PCDHGB6: variants seen among roughly 807,000 people sequenced by gnomAD.
PCDHGB6 encodes the protein protocadherin gamma subfamily B, 6.
Under a neutral mutation model 59.1 loss-of-function variants are expected in PCDHGB6, and 51 were observed. The observed-to-expected ratio is 0.86, with a 90% CI of 0.69 to 1.09. PCDHGB6 has a LOEUF of 1.09. Ranked by LOEUF, PCDHGB6 falls within the 50% of genes least tolerant of loss-of-function variation. The probability of loss-of-function intolerance (pLI) is 0.00; values close to 1 mark genes in which losing one functional copy is unlikely to be tolerated. For synonymous variants in PCDHGB6, 466 were observed against 495.1 expected, an observed-to-expected ratio of 0.94 and a Z score of 0.78; for missense variants, 1,148 against 1,205.1, an observed-to-expected ratio of 0.95 and a Z score of 0.70.
chr5:141,506,228 A>T (rs538354130), intron 3 of PCDHGB6, among the ~76,000 whole-genome samples: 1 of 152,266 alleles, frequency 6.6e-6, no homozygotes, highest in East Asian at 1.9e-4. Context: ...AGGCAGGAGG[A>T]TCATGAGGTC....
At chr5:141,415,738 AGGTTTTT>A in intron 1 of PCDHGB6, 2 of 538,082 alleles carry the variant, frequency 3.7e-6, no homozygotes, top group Non-Finnish European at 5.4e-6. Flanking sequence ...ATGTTTATTA[AGGTTTTT>A]TTTTTTTTTT....
At chr5:141,458,694 C>G (rs905547768) in intron 1 of PCDHGB6, among the ~76,000 whole-genome samples, 1 of 152,136 alleles carries the variant, frequency 6.6e-6, no homozygotes, top group East Asian at 1.9e-4. Context: ...CTCAGCCTCC[C>G]GAGTAGCTGG....
intron 1 of PCDHGB6, chr5:141,421,426 A>T: frequency 1.2e-6 from 2 of 1,614,104 alleles, no homozygotes; most frequent in Non-Finnish European, 8.5e-7. Flanking sequence ...CGGAGTCCGC[A>T]TCGTCTCCAG....
Position 141,408,873 on chromosome 5 carries a change from CCACCG to C in PCDHGB6, c.673_677del (p.Thr225SerfsTer11), listed in dbSNP as rs776180805. On this transcript the variant is annotated frameshift_variant, in exon 1 of 4. Coordinates refer to ENST00000520790, the MANE Select transcript of PCDHGB6 (RefSeq NM_018926.3). LOFTEE classifies it high-confidence loss of function. ...GACGGAGGGGACCCACCAAGAAGTG[CCACCG>C]CTCACATAGAAATTTCTGTCAAGGA... is the stretch of plus-strand genomic sequence containing the variant. The C allele has an allele frequency of 3.1e-5, 50 of 1,613,104 alleles. No homozygotes were observed. The highest frequency in any genetic ancestry group is 4.1e-5 in the Non-Finnish European group (48 of 1,179,714).
chr5:141,427,229 G>A (rs1377470019), intron 1 of PCDHGB6: 3 of 456,628 alleles, frequency 6.6e-6, no homozygotes, highest in Non-Finnish European at 1.3e-5. Context: ...GTTATACCAT[G>A]AGAGTAGAAG....
chr5:141,482,500 G>T (rs1409735210), intron 1 of PCDHGB6, among the ~76,000 whole-genome samples: 1 of 133,788 alleles, frequency 7.5e-6, no homozygotes, highest in Non-Finnish European at 1.5e-5. Flanking sequence ...TATCATTCTG[G>T]TACCCAGAGT....
chr5:141,422,629 A>C lies in PCDHGB6; in HGVS notation c.2418+12009A>C, dbSNP rs780472571. 1.9e-6 allele frequency: 3 copies of C among 1,613,270 alleles called. No homozygotes were observed. The Admixed American group carries it at 5.0e-5, about 27-fold the overall frequency. Reference sequence around the variant, plus strand: ...TGCCTACATTCCCGAAAACAACCCCAGGGGTGCCTCCATCTTCTCAGTGAC... The same window carrying C: ...TGCCTACATTCCCGAAAACAACCCCCGGGGTGCCTCCATCTTCTCAGTGAC... On this transcript the variant is annotated intron_variant, in intron 1 of 3. Transcript: ENST00000520790.
chr5:141,431,297 C>T lies in PCDHGB6; in HGVS notation c.2418+20677C>T. The T allele has an allele frequency of 6.2e-7, 1 of 1,614,126 alleles. No homozygotes were observed. The highest frequency in any genetic ancestry group is 8.5e-7 in the Non-Finnish European group (1 of 1,180,036). Reference sequence around the variant, plus strand: ...GCTCAGCCCGAACACTCACTTCTCCCTCATCGTGCAAAATGGAGCCGACGG... The same window carrying T: ...GCTCAGCCCGAACACTCACTTCTCCTTCATCGTGCAAAATGGAGCCGACGG... On this transcript the variant is annotated intron_variant, in intron 1 of 3. Coordinates refer to ENST00000520790, the MANE Select transcript of PCDHGB6 (RefSeq NM_018926.3). This position sits in a 1 kb window ranked among gnomAD's most constrained non-coding sequence, Gnocchi z 4.8.
chr5:141,415,031 G>T lies in PCDHGB6; in HGVS notation c.2418+4411G>T, dbSNP rs982540695. The T allele has an allele frequency of 6.2e-6, 10 of 1,613,464 alleles. No individual in the cohort carries two copies. The highest frequency in any genetic ancestry group is 6.8e-6 in the Non-Finnish European group (8 of 1,179,984). On this transcript the variant is annotated intron_variant, in intron 1 of 3. Transcript: ENST00000520790. ...CGTCTGCTCAAGGCCAGCGAGCCGGGACTCTTCGCGGTGGGGGAGCACACG... is the reference window on the plus strand; with the variant it reads ...CGTCTGCTCAAGGCCAGCGAGCCGGTACTCTTCGCGGTGGGGGAGCACACG...
At chr5:141,448,710 G>T (rs897054829) in intron 1 of PCDHGB6, among the ~76,000 whole-genome samples, 1 of 152,162 alleles carries the variant, frequency 6.6e-6, no homozygotes, top group Non-Finnish European at 1.5e-5. Flanking sequence ...GGAGGCCGAG[G>T]CGGGAGGATC....
intron 1 of PCDHGB6, chr5:141,468,497 C>T (rs1033597673): frequency 2.0e-5 from 3 of 152,074 alleles, no homozygotes; most frequent in Non-Finnish European, 4.4e-5. Context: ...GGAAGATTTT[C>T]ATGTGGACAA....
At chr5:141,413,181 C>T in intron 1 of PCDHGB6, 8 of 1,602,880 alleles carry the variant, frequency 5.0e-6, no homozygotes, top group Non-Finnish European at 6.8e-6. Context: ...CTACAATGGC[C>T]GCTCAAAGGA....
At chr5:141,458,989 T>C (rs1341538997) in intron 1 of PCDHGB6, among the ~76,000 whole-genome samples, 1 of 152,134 alleles carries the variant, frequency 6.6e-6, no homozygotes, top group Non-Finnish European at 1.5e-5. Flanking sequence ...TGCCTCACCC[T>C]CCCAAAGTGC....
chr5:141,503,894 T>C (rs898125492), intron 2 of PCDHGB6, among the ~76,000 whole-genome samples: 2 of 152,144 alleles, frequency 1.3e-5, no homozygotes, highest in African/African-American at 4.8e-5. Flanking sequence ...CATGACAAAA[T>C]ATGCACACAC....
intron 1 of PCDHGB6, chr5:141,424,411 C>T (rs1259102577): frequency 6.6e-6 from 1 of 152,154 alleles, no homozygotes; most frequent in Admixed American, 6.5e-5. Flanking sequence ...GGTGAAGTTA[C>T]ATTGACTGTT....
intron 1 of PCDHGB6, chr5:141,428,680 G>T: frequency 6.1e-6 from 1 of 162,778 alleles, no homozygotes; most frequent in Admixed American, 5.8e-5. Context: ...ATTTACAAAT[G>T]GATGAGGTTT....
At chr5:141,464,976 A>G (rs2154568682) in intron 1 of PCDHGB6, among the ~76,000 whole-genome samples, 1 of 152,214 alleles carries the variant, frequency 6.6e-6, no homozygotes, top group East Asian at 1.9e-4. Flanking sequence ...TACTGGCTTC[A>G]AGTGATCCTC....
chr5:141,490,565 T>C lies in PCDHGB6; in HGVS notation c.2419-4242T>C. ...CTACACAAACATCTCACCATCAGGC[T>C]CAACATTTCAGATGTCAATGACAAT... On this transcript the variant is annotated intron_variant, in intron 1 of 3. Coordinates refer to ENST00000520790, the MANE Select transcript of PCDHGB6 (RefSeq NM_018926.3). This position sits in a 1 kb window ranked among gnomAD's most constrained non-coding sequence, Gnocchi z 5.4. 8 of 1,614,116 alleles carry C rather than the reference T, an allele frequency of 5.0e-6. No individual in the cohort carries two copies. Among genetic ancestry groups the C allele is most frequent in the Non-Finnish European group, 6.8e-6 (8 of 1,180,024 alleles).
In PCDHGB6 at chr5:141,489,950, A is replaced by G; in HGVS notation, c.2419-4857A>G. 2 of 1,614,192 alleles carry G rather than the reference A, an allele frequency of 1.2e-6. No individual in the cohort carries two copies. The highest frequency in any genetic ancestry group is 1.1e-5 in the South Asian group (1 of 91,088). ...TCTGTCATCGTGCTGGACATCAATG[A>G]TAATGCTCCAACCTTCCAATCCTCA... On this transcript the variant is annotated intron_variant, in intron 1 of 3. Transcript: ENST00000520790. The surrounding 1 kb of genome is among the most constrained non-coding windows in gnomAD (Gnocchi z 4.5).
Sources: allele counts gnomAD v4.1 joint callset (sites outside exome capture counted in the v4.1 genomes callset), GRCh38; gene constraint gnomAD v4.1.1; non-coding constraint Gnocchi (gnomAD v3.1); transcripts MANE v1.5; gene names NCBI Gene and HGNC (gene_info 2026-07-23, HGNC 2026-07-21).